The following UBXN7 variants were observed in gnomAD, a reference collection of about 807,000 sequenced individuals.
The protein encoded by UBXN7 is UBX domain protein 7, also known as UBX domain-containing protein 7.
A neutral mutation model predicts 58.0 loss-of-function variants in UBXN7; 9 were observed. The observed-to-expected ratio is 0.16, with a 90% CI of 0.09 to 0.27. The LOEUF is 0.27. Ranked by LOEUF, UBXN7 falls within the 10% of genes least tolerant of loss-of-function variation. UBXN7 has a pLI of 1.00. For missense variants in UBXN7, 328 were observed against 599.6 expected (o/e 0.55, Z 4.73); for synonymous variants, 208 against 205.0 (o/e 1.01, Z -0.12).
At chr3:196,378,251 G>A (rs745605840) in intron 5 of UBXN7, among the ~76,000 whole-genome samples, 2 of 152,086 alleles carry the variant, frequency 1.3e-5, no homozygotes, top group African/African-American at 2.4e-5. Flanking sequence ...CTTACTTATA[G>A]AACCTCCAGT....
At chr3:196,376,776 T>G (rs1729041689) in intron 5 of UBXN7, among the ~76,000 whole-genome samples, 1 of 151,968 alleles carries the variant, frequency 6.6e-6, no homozygotes, top group Non-Finnish European at 1.5e-5. Context: ...CCGGGTCCAG[T>G]GGCTCACACT....
At chr3:196,415,758 G>A (rs539583089) in intron 1 of UBXN7, among the ~76,000 whole-genome samples, 21 of 151,252 alleles carry the variant, frequency 1.4e-4, no homozygotes, top group African/African-American at 5.1e-4. Context: ...CTCCAGCCTG[G>A]TGACAGAGCG....
At chr3:196,359,126 T>C (rs1728435546) in intron 10 of UBXN7, among the ~76,000 whole-genome samples, 1 of 152,208 alleles carries the variant, frequency 6.6e-6, no homozygotes. Flanking sequence ...GGCTCCATTT[T>C]TCAAACAGCA....
chr3:196,432,393 C>T lies in UBXN7; in HGVS notation c.7G>A (p.Ala3Thr). 1.3e-6 allele frequency: 2 copies of T among 1,592,918 alleles called. No homozygotes were observed. The highest frequency in any genetic ancestry group is 8.6e-7 in the Non-Finnish European group (1 of 1,166,036). Residue 3 changes from alanine to threonine, a missense_variant, in exon 1 of 11, where the codon GCC becomes ACC. Ala to Thr is a moderately conservative substitution (Grantham distance 58). Transcript: ENST00000296328. ...GAGGACGCCGCGGAGCCCCCGTGGG[C>T]AGCCATCTTACCGCCGCCGCCGCCG... MA[A>T]HGGSAASSAL...
At chr3:196,385,699 C>T (rs538931794) in intron 5 of UBXN7, among the ~76,000 whole-genome samples, 4 of 151,526 alleles carry the variant, frequency 2.6e-5, no homozygotes, top group African/African-American at 9.7e-5. Flanking sequence ...GCAGCCGCCC[C>T]GTCTGGGAAG....
chr3:196,427,247 T>C (rs1165823010), intron 1 of UBXN7, among the ~76,000 whole-genome samples: 1 of 152,232 alleles, frequency 6.6e-6, no homozygotes, highest in African/African-American at 2.4e-5. Context: ...CTGCCATGGC[T>C]CAAAACATTT....
intron 5 of UBXN7, among the ~76,000 whole-genome samples, chr3:196,374,923 G>GGGGAA (rs753920063): frequency 2.7e-4 from 2 of 7,358 alleles, no homozygotes; most frequent in African/African-American, 5.7e-4. Context: ...GGGAGGGGGA[G>GGGGAA]GGGAAGGGAA....
Position 196,352,561 on chromosome 3 carries a change from G to C in UBXN7, c.*4124C>G, listed in dbSNP as rs769737035. On this transcript the variant is annotated 3_prime_UTR_variant, in exon 11 of 11. Transcript: ENST00000296328. The surrounding 1 kb of genome is among the most constrained non-coding windows in gnomAD (Gnocchi z 4.1). ...ACACCTGGCCAGGAATTAGATCTCAGATTTCAAAATACTTCCAACTTCTAT... is the reference window on the plus strand; with the variant it reads ...ACACCTGGCCAGGAATTAGATCTCACATTTCAAAATACTTCCAACTTCTAT... 7 of 152,070 alleles carry C rather than the reference G, an allele frequency of 4.6e-5. No individual in the cohort carries two copies. The highest frequency in any genetic ancestry group is 8.8e-5 in the Non-Finnish European group (6 of 68,012). 9.4% of individuals were successfully genotyped at this position (152,070 alleles called of 1,614,324 possible).
At chr3:196,431,285 C>CAGGCA (rs1731038512) in intron 1 of UBXN7, 1 of 152,236 alleles carries the variant, frequency 6.6e-6, no homozygotes, top group African/African-American at 2.4e-5. Flanking sequence ...AAATTACACT[C>CAGGCA]AGGCACATTG....
chr3:196,357,691 C>G (rs1728388268), intron 10 of UBXN7, among the ~76,000 whole-genome samples: 1 of 151,980 alleles, frequency 6.6e-6, no homozygotes, highest in South Asian at 2.1e-4. Flanking sequence ...AATCCCGTCT[C>G]TACTAAAAAT....
Position 196,371,842 on chromosome 3 carries a change from C to A in UBXN7, c.615+54G>T, listed in dbSNP as rs187531198. The A allele has an allele frequency of 5.6e-5, 88 of 1,577,324 alleles. No homozygotes were observed. In the African/African-American group the frequency reaches 8.7e-4, roughly 16 times the overall value. ...TAACCCAATTCCTTTCCCTCAACAA[C>A]CCACACTACAAAAGTAAAATTCTAC... On this transcript the variant is annotated intron_variant, in intron 6 of 10. Transcript: ENST00000296328.
At chr3:196,357,586 A>G (rs1301653670) in intron 10 of UBXN7, among the ~76,000 whole-genome samples, 1 of 152,182 alleles carries the variant, frequency 6.6e-6, no homozygotes, top group African/African-American at 2.4e-5. Context: ...CAGCTGGGGC[A>G]ACATGGCAAA....
intron 1 of UBXN7, 30 bp from the exon 2 acceptor site, chr3:196,407,423 TAA>T (rs74348613): frequency 0.018 from 24,012 of 1,316,076 alleles, no homozygotes; most frequent in South Asian, 0.05. Flanking sequence ...GGAAAAACGT[TAA>T]AAAAAAAAAA....
At chr3:196,387,553 A>AAT (rs1477048141) in intron 5 of UBXN7, among the ~76,000 whole-genome samples, 1 of 152,232 alleles carries the variant, frequency 6.6e-6, no homozygotes, top group African/African-American at 2.4e-5. Context: ...ACAAAAGGCT[A>AAT]ATATCCAGAA....
chr3:196,431,780 C>A, intron 1 of UBXN7: 1 of 445,512 alleles, frequency 2.2e-6, no homozygotes. Context: ...ACGGCCGAAC[C>A]CACCGGCCTT....
intron 1 of UBXN7, among the ~76,000 whole-genome samples, chr3:196,412,735 T>C (rs1008308419): frequency 1.3e-5 from 2 of 152,148 alleles, no homozygotes; most frequent in Non-Finnish European, 2.9e-5. Context: ...TGGAATCTCA[T>C]GGAGCCTTGA....
At position 196,348,628 on chromosome 3, in the gene UBXN7, T is replaced by C. The variant is rs950287562; in HGVS notation, c.*8057A>G. Reference sequence around the variant, plus strand: ...AACACTTTAAAGCAAATACCCCAAGTTGACTTCACTCAAGCCCCCAACCCA... The same window carrying C: ...AACACTTTAAAGCAAATACCCCAAGCTGACTTCACTCAAGCCCCCAACCCA... On this transcript the variant is annotated 3_prime_UTR_variant, in exon 11 of 11. Transcript: ENST00000296328. 4 of 152,136 alleles carry C rather than the reference T, an allele frequency of 2.6e-5. No homozygotes were observed. Among genetic ancestry groups the C allele is most frequent in the Admixed American group, 2.6e-4 (4 of 15,260 alleles). The allele number at this position is 152,136 out of a possible 1,614,324, so 9.4% of individuals were successfully genotyped here. A position where few individuals can be genotyped will look rare whatever the true frequency, so the allele number is the denominator to read the frequency against.
rs1731099226 is a variant in UBXN7 at position 196,432,379 on chromosome 3, G to T, written c.21C>A (p.Ser7=). 6.3e-7 allele frequency: 1 copy of T among 1,595,196 alleles called. No homozygotes were observed. Among genetic ancestry groups the T allele is most frequent in the East Asian group, 2.3e-5 (1 of 44,318 alleles). The stretch of plus-strand genomic sequence containing the variant: ...ACCCCTTCAGCGCCGAGGACGCCGC[G>T]GAGCCCCCGTGGGCAGCCATCTTAC... MAAHGG[S]AASSALKGLI... is the part of the protein sequence containing the mutation. The change falls in exon 1 of 11, where the codon TCC becomes TCA. Residue 7 remains serine, a synonymous_variant. Coordinates refer to ENST00000296328, the MANE Select transcript of UBXN7 (RefSeq NM_015562.2).
chr3:196,420,558 A>T (rs556373513), intron 1 of UBXN7, among the ~76,000 whole-genome samples: 279 of 152,168 alleles, frequency 1.8e-3, no homozygotes, highest in Middle Eastern at 3.4e-3. Context: ...AAATTAAATT[A>T]AAAAACGGAC....
Sources: allele counts gnomAD v4.1 joint callset (sites outside exome capture counted in the v4.1 genomes callset), GRCh38; gene constraint gnomAD v4.1.1; non-coding constraint Gnocchi (gnomAD v3.1); transcripts MANE v1.5; gene names NCBI Gene and HGNC (gene_info 2026-07-23, HGNC 2026-07-21).